UNC79: variants seen among roughly 807,000 people sequenced by gnomAD.
The protein encoded by UNC79 is protein unc-79 homolog.
In UNC79, 37 loss-of-function variants were observed where a neutral mutation model predicts 283.1. The ratio of observed to expected loss-of-function variants is 0.13; its 90% CI spans 0.10 to 0.17. The LOEUF (loss-of-function observed/expected upper bound fraction) is 0.17. Among genes scored for constraint, UNC79 ranks in the 10% least tolerant of loss-of-function variants. The probability of loss-of-function intolerance (pLI) is 1.00; values close to 1 mark genes in which losing one functional copy is unlikely to be tolerated. For synonymous variants in UNC79, 1,107 were observed against 1,200.2 expected, an observed-to-expected ratio of 0.92 and a Z score of 1.61; for missense variants, 2,272 against 3,211.1, an observed-to-expected ratio of 0.71 and a Z score of 7.07.
chr14:93,606,609 T>A (rs933865238), intron 26 of UNC79, among the ~76,000 whole-genome samples: 17 of 152,210 alleles, frequency 1.1e-4, no homozygotes, highest in Non-Finnish European at 1.9e-4. Flanking sequence ...AGCTCCTCTT[T>A]GCGGACCTCT....
intron 1 of UNC79, among the ~76,000 whole-genome samples, chr14:93,383,656 G>C (rs2054709637): frequency 6.6e-6 from 1 of 152,076 alleles, no homozygotes; most frequent in South Asian, 2.1e-4. Context: ...GACTAATCAG[G>C]GTGGTGGTTG....
chr14:93,610,081 G>A (rs912266387), intron 26 of UNC79, among the ~76,000 whole-genome samples: 15 of 152,242 alleles, frequency 9.9e-5, no homozygotes, highest in African/African-American at 3.4e-4. Context: ...TGATGTGATG[G>A]GAAAACTCAG....
chr14:93,347,898 T>C (rs1418508294), intron 1 of UNC79: 1 of 582,664 alleles, frequency 1.7e-6, no homozygotes, highest in Non-Finnish European at 3.1e-6. Flanking sequence ...CATTTTAGAT[T>C]TCACTAGGCG....
At chr14:93,461,825 A>G (rs2056971551) in intron 1 of UNC79, among the ~76,000 whole-genome samples, 1 of 152,160 alleles carries the variant, frequency 6.6e-6, no homozygotes, top group African/African-American at 2.4e-5. Flanking sequence ...ATTTTGGACA[A>G]GGAAGTTTGC....
intron 14 of UNC79, among the ~76,000 whole-genome samples, chr14:93,564,749 G>A (rs929401309): frequency 1.4e-5 from 2 of 145,844 alleles, no homozygotes; most frequent in East Asian, 3.9e-4. Context: ...AAAGGAGGTT[G>A]TTCTCTGGCT....
intron 1 of UNC79, among the ~76,000 whole-genome samples, chr14:93,366,560 CT>C (rs1380100783): frequency 6.7e-6 from 1 of 149,008 alleles, no homozygotes; most frequent in Non-Finnish European, 1.5e-5. Context: ...TCTCTTGATT[CT>C]TTTTTTATTC....
chr14:93,370,424 A>G (rs2054418895), intron 1 of UNC79, among the ~76,000 whole-genome samples: 3 of 152,226 alleles, frequency 2.0e-5, no homozygotes, highest in African/African-American at 7.2e-5. Flanking sequence ...AATGCCTTTG[A>G]TGGGCTTATT....
intron 41 of UNC79, among the ~76,000 whole-genome samples, chr14:93,676,539 T>C (rs1370239107): frequency 6.6e-6 from 1 of 152,198 alleles, no homozygotes; most frequent in Non-Finnish European, 1.5e-5. Context: ...CCACCTAGAC[T>C]TCAGGGCACT....
At chr14:93,382,979 G>C (rs1044454196) in intron 1 of UNC79, among the ~76,000 whole-genome samples, 1 of 152,172 alleles carries the variant, frequency 6.6e-6, no homozygotes. Context: ...GATAGAATAT[G>C]ATAAATATTA....
chr14:93,582,123 C>A, intron 19 of UNC79, 80 bp from the exon 20 acceptor site: 20 of 1,606,462 alleles, frequency 1.2e-5, no homozygotes, highest in Non-Finnish European at 1.6e-5. Context: ...GGTGTGCAGT[C>A]CAGCTTTGCT....
At chr14:93,572,862 T>A in intron 16 of UNC79, 46 bp downstream of exon 16, 2 of 1,599,366 alleles carry the variant, frequency 1.3e-6, no homozygotes, top group Non-Finnish European at 1.7e-6. Context: ...AGTTCTTAGC[T>A]TATAAGCTTT....
At chr14:93,528,504 G>A in intron 8 of UNC79, 54 bp from the exon 9 acceptor site, 2 of 1,515,860 alleles carry the variant, frequency 1.3e-6, no homozygotes, top group South Asian at 1.1e-5. Flanking sequence ...TAGAATATAG[G>A]GAATGTGATA....
At chr14:93,382,983 A>AAT (rs1341005825) in intron 1 of UNC79, among the ~76,000 whole-genome samples, 14 of 152,224 alleles carry the variant, frequency 9.2e-5, no homozygotes, top group African/African-American at 3.4e-4. Flanking sequence ...GAATATGATA[A>AAT]ATATTATAAA....
At chr14:93,452,554 A>G (rs889043440) in intron 1 of UNC79, among the ~76,000 whole-genome samples, 3 of 151,828 alleles carry the variant, frequency 2.0e-5, no homozygotes, top group African/African-American at 4.8e-5. Flanking sequence ...ATGCCCAGCT[A>G]ATTTTTGTAT....
Position 93,617,102 on chromosome 14 carries a change from T to G in UNC79, c.4042-20T>G. The G allele has an allele frequency of 6.3e-7, 1 of 1,590,186 alleles. No homozygotes were observed. The highest frequency in any genetic ancestry group is 8.6e-7 in the Non-Finnish European group (1 of 1,164,498). On this transcript the variant is annotated intron_variant, in intron 27 of 48. Transcript: ENST00000555664. This position sits in a 1 kb window ranked among gnomAD's most constrained non-coding sequence, Gnocchi z 4.5. ...TTCTTTGTAGTTTTCCATCAGTTAT[T>G]AATATTTTTTCTATTTCAGGTTATG... is the stretch of plus-strand genomic sequence containing the variant.
intron 4 of UNC79, among the ~76,000 whole-genome samples, chr14:93,484,420 A>G (rs934124266): frequency 7.9e-5 from 12 of 152,214 alleles, no homozygotes; most frequent in Non-Finnish European, 1.2e-4. Context: ...GGCTTTTCCT[A>G]TATAACTCCT....
chr14:93,688,650 C>T lies in UNC79; in HGVS notation c.6910-15C>T. On this transcript the variant is annotated splice_polypyrimidine_tract_variant and intron_variant, in intron 43 of 48. Coordinates refer to ENST00000555664, the Ensembl canonical transcript of UNC79. This position sits in a 1 kb window ranked among gnomAD's most constrained non-coding sequence, Gnocchi z 4.0. ...GGTGTCTGCCAGAGTTACAAAATACCATTCGGTTTTGTAGAGCCACATGAA... is the reference window on the plus strand; with the variant it reads ...GGTGTCTGCCAGAGTTACAAAATACTATTCGGTTTTGTAGAGCCACATGAA... The T allele has an allele frequency of 6.2e-7, 1 of 1,606,652 alleles. No homozygotes were observed. Among genetic ancestry groups the T allele is most frequent in the Non-Finnish European group, 8.5e-7 (1 of 1,175,778 alleles).
chr14:93,653,676 G>A, intron 35 of UNC79, 66 bp from the exon 39 acceptor site: 1 of 1,440,048 alleles, frequency 6.9e-7, no homozygotes. Flanking sequence ...TGAACTCTAA[G>A]TAAATATCTG....
At chr14:93,405,798 C>T (rs1332567230) in intron 1 of UNC79, among the ~76,000 whole-genome samples, 2 of 152,182 alleles carry the variant, frequency 1.3e-5, no homozygotes, top group African/African-American at 2.4e-5. Context: ...AAAGTAAATG[C>T]ACTTGTTAAG....
Sources: gnomAD v4.1 joint callset for allele counts (sites outside exome capture counted in the v4.1 genomes callset) on GRCh38, gnomAD v4.1.1 for gene constraint, Gnocchi (gnomAD v3.1) non-coding constraint, MANE v1.5 for transcripts, NCBI Gene and HGNC (gene_info 2026-07-23, HGNC 2026-07-21) for gene names.